Variants in LY6L observed in about 807,000 individuals in gnomAD.
LY6L encodes the protein lymphocyte antigen 6L.
In LY6L, 8 loss-of-function variants were observed where a neutral mutation model predicts 8.3. The ratio of observed to expected loss-of-function variants is 0.97; its 90% confidence interval spans 0.57 to 1.74. The LOEUF is 1.74. LY6L is among the 40% of genes most tolerant of loss of function. The pLI is 0.00. For synonymous variants in LY6L, 79 were observed against 77.9 expected (o/e 1.01, Z -0.07); for missense variants, 156 against 183.8 (o/e 0.85, Z 0.87).
intron 1 of LY6L, 73 bp from the exon 2 acceptor site, chr8:143,080,961 CCG>C: frequency 8.7e-7 from 1 of 1,150,540 alleles, no homozygotes; most frequent in Non-Finnish European, 1.2e-6. Flanking sequence ...GAGTAAAGCC[CCG>C]TCCGGGAGCA....
chr8:143,081,121 C>T lies in LY6L; in HGVS notation c.68C>T (p.Thr23Met). ...LAVASAGCAT[T>M]PARNLSCYQC... is the part of the protein sequence containing the mutation. ...GTGGCGTCTGCTGGCTGCGCCACGA[C>T]GCCAGGTAAGGCGCGGCCCGGGCTG... The change falls in exon 2 of 4, where the codon ACG becomes ATG. Residue 23 changes from threonine to methionine, a missense_variant. By Grantham distance (81) the Thr-to-Met change is moderately conservative. Transcript: ENST00000562505. The T allele has an allele frequency of 1.3e-6, 2 of 1,534,648 alleles. No homozygotes were observed. The highest frequency in any genetic ancestry group is 1.7e-6 in the Non-Finnish European group (2 of 1,146,200).
chr8:143,081,051 G>T lies in LY6L; in HGVS notation c.-3G>T. On this transcript the variant is annotated 5_prime_UTR_variant, in exon 2 of 4. Coordinates refer to ENST00000562505, the MANE Select transcript of LY6L (RefSeq NM_001368160.2). ...CCCCACTCAGGCTGAGCCTTCTGGC[G>T]TCATGGAGAGGCTCGTCCTAACCCT... 1 of 1,533,846 alleles carries T rather than the reference G, an allele frequency of 6.5e-7. No individual in the cohort carries two copies. Among genetic ancestry groups the T allele is most frequent in the Non-Finnish European group, 8.7e-7 (1 of 1,145,524 alleles).
chr8:143,080,965 C>A, intron 1 of LY6L, 71 bp from the exon 2 acceptor site: 2 of 1,183,612 alleles, frequency 1.7e-6, no homozygotes, highest in Non-Finnish European at 2.4e-6. Context: ...AAAGCCCCGT[C>A]CGGGAGCAGG....
intron 2 of LY6L, 39 bp from the exon 3 acceptor site, chr8:143,081,172 G>C: frequency 6.5e-7 from 1 of 1,528,266 alleles, no homozygotes; most frequent in Non-Finnish European, 8.8e-7. Flanking sequence ...GGCTGGAGCT[G>C]CGGACGCTGG....
Position 143,082,887 on chromosome 8 carries a change from G to A in LY6L, c.*236G>A, listed in dbSNP as rs776343214. ...CAACTGCTCCTCCTGGGGAAGGACAGTGCCTCTGATGTGGGTGATGGGAAG... is the reference window on the plus strand; with the variant it reads ...CAACTGCTCCTCCTGGGGAAGGACAATGCCTCTGATGTGGGTGATGGGAAG... On this transcript the variant is annotated 3_prime_UTR_variant, in exon 4 of 4. Transcript: ENST00000562505. 3.0e-5 allele frequency: 15 copies of A among 505,932 alleles called. No individual in the cohort carries two copies. Among genetic ancestry groups the A allele is most frequent in the Non-Finnish European group, 4.5e-5 (13 of 285,732 alleles). 31.3% of individuals were successfully genotyped at this position (505,932 alleles called of 1,614,324 possible).
In LY6L at chr8:143,082,910, AAGGACGGTGCCTCTGATGTGGGTGATG is replaced by A; in HGVS notation, c.*260_*286del. 3 of 472,362 alleles carry A rather than the reference AAGGACGGTGCCTCTGATGTGGGTGATG, an allele frequency of 6.4e-6. 1 individual carries two copies. In the South Asian group the frequency reaches 1.1e-4, roughly 17 times the overall value. The allele number at this position is 472,362 out of a possible 1,614,324, so 29.3% of individuals were successfully genotyped here. On this transcript the variant is annotated 3_prime_UTR_variant, in exon 4 of 4. Coordinates refer to ENST00000562505, the MANE Select transcript of LY6L (RefSeq NM_001368160.2). ...CAGTGCCTCTGATGTGGGTGATGGG[AAGGACGGTGCCTCTGATGTGGGTGATG>A]GGAAGGACGGTGCCTCTGGTGTGGG...
chr8:143,081,080 C>T lies in LY6L; in HGVS notation c.27C>T (p.Cys9=). Residue 9 remains cysteine, a synonymous_variant, in exon 2 of 4, where the codon TGC becomes TGT. Transcript: ENST00000562505. Reference sequence around the variant, plus strand: ...TGGAGAGGCTCGTCCTAACCCTGTGCACCCTCCCGCTGGCTGTGGCGTCTG... The same window carrying T: ...TGGAGAGGCTCGTCCTAACCCTGTGTACCCTCCCGCTGGCTGTGGCGTCTG... The part of the protein sequence containing the change: MERLVLTL[C]TLPLAVASAG... 2.6e-6 allele frequency: 4 copies of T among 1,535,016 alleles called. No individual in the cohort carries two copies. Among genetic ancestry groups the T allele is most frequent in the Non-Finnish European group, 3.5e-6 (4 of 1,146,408 alleles).
chr8:143,081,338 C>G lies in LY6L; in HGVS notation c.190+11C>G. 6.7e-7 allele frequency: 1 copy of G among 1,482,360 alleles called. No individual in the cohort carries two copies. Among genetic ancestry groups the G allele is most frequent in the African/African-American group, 1.4e-5 (1 of 71,618 alleles). The allele number at this position is 1,482,360 out of a possible 1,614,324, so 91.8% of individuals were successfully genotyped here. A position where few individuals can be genotyped will look rare whatever the true frequency, so the allele number is the denominator to read the frequency against. The stretch of plus-strand genomic sequence containing the variant: ...TGGTCGTCTCTTTTAGTGAGTCCCC[C>G]CCGGGCAGAGGGCAGGTGCCAGGTG... On this transcript the variant is annotated intron_variant, in intron 3 of 3. Coordinates refer to ENST00000562505, the MANE Select transcript of LY6L (RefSeq NM_001368160.2).
In LY6L at chr8:143,080,943, T is replaced by A. The variant is rs541623400; in HGVS notation, c.-18-93T>A. On this transcript the variant is annotated intron_variant, in intron 1 of 3. Transcript: ENST00000562505. ...CAGGAGGCTAGTGTGGGATGGGGGG[T>A]GCGCCCTGAGTAAAGCCCCGTCCGG... The A allele has an allele frequency of 4.3e-5, 39 of 899,208 alleles. No individual in the cohort carries two copies. In the African/African-American group the frequency reaches 4.4e-4, roughly 10 times the overall value. 55.7% of individuals were successfully genotyped at this position (899,208 alleles called of 1,614,324 possible). A position where few individuals can be genotyped will look rare whatever the true frequency, so the allele number is the denominator to read the frequency against.
chr8:143,082,331 T>C (rs1820444359), intron 3 of LY6L, 94 bp from the exon 4 acceptor site: 1 of 893,046 alleles, frequency 1.1e-6, no homozygotes, highest in Non-Finnish European at 1.7e-6. Flanking sequence ...TGGTCCCGGC[T>C]GCTCCTTTGG....
rs1201688604 is a variant in LY6L, at chr8:143,082,599, G to A, written c.365G>A (p.Arg122Gln). The A allele has an allele frequency of 2.6e-6, 4 of 1,526,912 alleles. No homozygotes were observed. The highest frequency in any genetic ancestry group is 2.6e-6 in the Non-Finnish European group (3 of 1,140,014). The allele number at this position is 1,526,912 out of a possible 1,614,324, so 94.6% of individuals were successfully genotyped here. ...CCACAGGAGGGGCGCTGGGCCCTGC[G>A]AGGGGGGCTCCTGCTCCAGGTGGGC... The part of the protein sequence containing the change: ...LTPQEGRWAL[R>Q]GGLLLQVGLS... Residue 122 changes from arginine (R) to glutamine (Q), a missense_variant, in exon 4 of 4, where the codon CGA becomes CAA. Coordinates refer to ENST00000562505, the MANE Select transcript of LY6L (RefSeq NM_001368160.2).
At chr8:143,082,361 C>A in intron 3 of LY6L, 64 bp from the exon 4 acceptor site, 1 of 1,219,238 alleles carries the variant, frequency 8.2e-7, no homozygotes, top group Non-Finnish European at 1.2e-6. Flanking sequence ...TTGCACTTTC[C>A]GCATAACTGT....
Position 143,082,110 on chromosome 8 carries a change from G to A in LY6L, c.191-315G>A, listed in dbSNP as rs896262834. 5.7e-4 allele frequency among the ~76,000 whole-genome samples: 87 copies of A among 152,328 alleles called. 1 individual carries two copies. The highest frequency in any genetic ancestry group is 1.9e-3 in the African/African-American group (81 of 41,576). On this transcript the variant is annotated intron_variant, in intron 3 of 3. Transcript: ENST00000562505. ...CATCTCCCGACGACGCACATGCCCC[G>A]GGGCCGGCAGGGGTGGTCCAGGCTG...
chr8:143,081,840 C>T (rs1820435931), intron 3 of LY6L, among the ~76,000 whole-genome samples: 1 of 152,226 alleles, frequency 6.6e-6, no homozygotes, highest in Admixed American at 6.5e-5. Flanking sequence ...GAATGCAACA[C>T]AACACACCGT....
rs1189051354 is a variant in LY6L, at chr8:143,082,615, C to G, written c.381C>G (p.Leu127=). ...GGGCCCTGCGAGGGGGGCTCCTGCT[C>G]CAGGTGGGCCTCAGCCTCCTCAGGG... ...GRWALRGGLL[L]QVGLSLLRAL... The change falls in exon 4 of 4, where the codon CTC becomes CTG. Residue 127 remains leucine, a synonymous_variant. Transcript: ENST00000562505. The G allele has an allele frequency of 2.0e-6, 3 of 1,521,374 alleles. No homozygotes were observed. Among genetic ancestry groups the G allele is most frequent in the Admixed American group, 4.0e-5 (2 of 50,378 alleles). The allele number at this position is 1,521,374 out of a possible 1,614,324, so 94.2% of individuals were successfully genotyped here. A position where few individuals can be genotyped will look rare whatever the true frequency, so the allele number is the denominator to read the frequency against.
Position 143,082,565 on chromosome 8 carries a change from G to T in LY6L, c.331G>T (p.Ala111Ser). ...CTGTTCCTGGGCTCTCTGCAACAGG[G>T]CACTGACCCCACAGGAGGGGCGCTG... Reference protein sequence around the residue: ...RCCSWALCNRALTPQEGRWAL... With the variant: ...RCCSWALCNRSLTPQEGRWAL... Residue 111 changes from alanine (A) to serine (S), a missense_variant, in exon 4 of 4, where the codon GCA (alanine) becomes TCA (serine). Coordinates refer to ENST00000562505, the MANE Select transcript of LY6L (RefSeq NM_001368160.2). 2.0e-6 allele frequency: 3 copies of T among 1,534,994 alleles called. No individual in the cohort carries two copies. The highest frequency in any genetic ancestry group is 2.6e-6 in the Non-Finnish European group (3 of 1,146,292).
intron 3 of LY6L, among the ~76,000 whole-genome samples, chr8:143,082,093 G>T (rs764098855): frequency 1.2e-4 from 19 of 152,176 alleles, no homozygotes; most frequent in Non-Finnish European, 2.5e-4. Context: ...CCCATCTCCC[G>T]ACGACGCACA....
chr8:143,082,001 A>G (rs1191953853), intron 3 of LY6L, among the ~76,000 whole-genome samples: 1 of 152,164 alleles, frequency 6.6e-6, no homozygotes, highest in African/African-American at 2.4e-5. Context: ...AGTGAGCAGT[A>G]CAGAGAAACG....
chr8:143,082,113 G>A (rs1211800844), intron 3 of LY6L, among the ~76,000 whole-genome samples: 2 of 152,230 alleles, frequency 1.3e-5, no homozygotes, highest in Non-Finnish European at 2.9e-5. Flanking sequence ...ATGCCCCGGG[G>A]CCGGCAGGGG....
Sources: allele counts gnomAD v4.1 joint callset (sites outside exome capture counted in the v4.1 genomes callset), GRCh38; gene constraint gnomAD v4.1.1; transcripts MANE v1.5; gene names NCBI Gene and HGNC (gene_info 2026-07-23, HGNC 2026-07-21).